Variants in TMEM242 observed in about 807,000 individuals in gnomAD.
TMEM242 encodes the protein transmembrane protein 242.
A neutral mutation model predicts 18.2 loss-of-function variants in TMEM242; 10 were observed. The observed-to-expected ratio is 0.55, with a 90% CI of 0.34 to 0.93. TMEM242 has a LOEUF of 0.93. Ranked by LOEUF, TMEM242 falls within the 40% of genes least tolerant of loss-of-function variation. The pLI is 0.02. For synonymous variants in TMEM242, 57 were observed against 69.9 expected (o/e 0.81, Z 0.92); for missense variants, 186 against 175.5 (o/e 1.06, Z -0.34).
intron 3 of TMEM242, among the ~76,000 whole-genome samples, chr6:157,312,509 G>T (rs370441063): frequency 0.22 from 1,728 of 7,882 alleles, 15 homozygotes; most frequent in East Asian, 0.3. Flanking sequence ...TGCACTCACC[G>T]AGCCTCATCA....
At position 157,291,341 on chromosome 6, in the gene TMEM242, A is replaced by G. The variant is rs587644755; in HGVS notation, c.*1560T>C. ...AACGAGTAAAGTGCATCGTTGTAAC[A>G]AGGTTTGAGGGCCATCTCATGCACG... On this transcript the variant is annotated 3_prime_UTR_variant, in exon 4 of 4. Transcript: ENST00000400788. 6.6e-6 allele frequency: 1 copy of G among 152,330 alleles called. No individual in the cohort carries two copies. The highest frequency in any genetic ancestry group is 1.5e-5 in the Non-Finnish European group (1 of 68,024). 9.4% of individuals were successfully genotyped at this position (152,330 alleles called of 1,614,324 possible).
At position 157,292,944 on chromosome 6, in the gene TMEM242, G is replaced by C. The variant is rs1777703279; in HGVS notation, c.383C>G (p.Ser128Cys). The change falls in exon 4 of 4, where the codon TCC becomes TGC. Residue 128 changes from serine (S) to cysteine (C), a missense_variant. Coordinates refer to ENST00000400788, the MANE Select transcript of TMEM242 (RefSeq NM_018452.6). Reference protein sequence around the residue: ...QSIFPTIPKNSESAVEWEETL... With the variant: ...QSIFPTIPKNCESAVEWEETL... ...TTCCTCCCACTCAACAGCCGATTCG[G>C]AGTTCTTGGGAATTGTTGGAAATAT... 6.2e-7 allele frequency: 1 copy of C among 1,613,594 alleles called. No individual in the cohort carries two copies. The highest frequency in any genetic ancestry group is 8.5e-7 in the Non-Finnish European group (1 of 1,179,710).
chr6:157,292,766 C>G lies in TMEM242; in HGVS notation c.*135G>C. ...TACTCTCCTGTGATGAGGCTGAATG[C>G]TATCCAGTGCACTGGTTCAGTCAGC... is the stretch of plus-strand genomic sequence containing the variant. On this transcript the variant is annotated 3_prime_UTR_variant, in exon 4 of 4. Transcript: ENST00000400788. 1 of 675,746 alleles carries G rather than the reference C, an allele frequency of 1.5e-6. No individual in the cohort carries two copies. Among genetic ancestry groups the G allele is most frequent in the Admixed American group, 2.4e-5 (1 of 42,240 alleles). The allele number at this position is 675,746 out of a possible 1,614,324, so 41.9% of individuals were successfully genotyped here. A position where few individuals can be genotyped will look rare whatever the true frequency, so the allele number is the denominator to read the frequency against.
At chr6:157,310,633 A>G (rs1554248360) in intron 3 of TMEM242, among the ~76,000 whole-genome samples, 3 of 152,020 alleles carry the variant, frequency 2.0e-5, no homozygotes, top group African/African-American at 7.2e-5. Context: ...GCCTCATCAT[A>G]GTGTCCCAGT....
rs1778053673 is a variant in TMEM242 at position 157,311,147 on chromosome 6, CACTCACCTAGCCCCATCATAGTGTCCGAA to C, written c.327+7606_327+7634del. On this transcript the variant is annotated intron_variant, in intron 3 of 3. Coordinates refer to ENST00000400788, the MANE Select transcript of TMEM242 (RefSeq NM_018452.6). ...AGCCCCATCATAGTGTCCCAGTGTGCACTCACCTAGCCCCATCATAGTGTCCGAATGTGCGCTCACCCAGCCTGATCATA... is the reference window on the plus strand; with the variant it reads ...AGCCCCATCATAGTGTCCCAGTGTGCTGTGCGCTCACCCAGCCTGATCATA... Among the ~76,000 whole-genome samples the C allele has an allele frequency of 2.1e-5, 2 of 96,134 alleles. 1 individual carries two copies. The highest frequency in any genetic ancestry group is 4.6e-5 in the Non-Finnish European group (2 of 43,174). The allele number at this position is 96,134 out of a possible 152,430, so 63.1% of individuals were successfully genotyped here.
intron 3 of TMEM242, among the ~76,000 whole-genome samples, chr6:157,313,350 G>A (rs1554249718): frequency 1.4e-5 from 2 of 143,900 alleles, no homozygotes; most frequent in African/African-American, 5.2e-5. Context: ...GCCCCAGTGT[G>A]CGCTCACCTG....
chr6:157,294,518 T>G (rs1218707693), intron 3 of TMEM242, among the ~76,000 whole-genome samples: 1 of 151,372 alleles, frequency 6.6e-6, no homozygotes, highest in African/African-American at 2.4e-5. Flanking sequence ...GCCCGGCTAA[T>G]TTTTTGTATT....
rs1345571732 is a variant in TMEM242, at chr6:157,323,339, G to A, written c.88+73C>T. On this transcript the variant is annotated intron_variant, in intron 1 of 3. Coordinates refer to ENST00000400788, the MANE Select transcript of TMEM242 (RefSeq NM_018452.6). ...CTCAGAGCGGGATGTGTGTGGGAATGCCCGCTCCAGAGCAAGCCAGGGTCC... is the reference window on the plus strand; with the variant it reads ...CTCAGAGCGGGATGTGTGTGGGAATACCCGCTCCAGAGCAAGCCAGGGTCC... 1.3e-5 allele frequency: 20 copies of A among 1,495,152 alleles called. No homozygotes were observed. The East Asian group carries it at 4.1e-4, about 31-fold the overall frequency. 92.6% of individuals were successfully genotyped at this position (1,495,152 alleles called of 1,614,324 possible).
In TMEM242 at chr6:157,305,452, C is replaced by T. The variant is rs147705228; in HGVS notation, c.328-12453G>A. On this transcript the variant is annotated intron_variant, in intron 3 of 3. Coordinates refer to ENST00000400788, the MANE Select transcript of TMEM242 (RefSeq NM_018452.6). This position sits in a 1 kb window ranked among gnomAD's most constrained non-coding sequence, Gnocchi z 4.1. Reference sequence around the variant, plus strand: ...TAGTTGGGACATGGGTCATGTGACACGCCTATGAGGGCGTGTCATATTGTG... The same window carrying T: ...TAGTTGGGACATGGGTCATGTGACATGCCTATGAGGGCGTGTCATATTGTG... 8.4e-3 allele frequency among the ~76,000 whole-genome samples: 1,285 copies of T among 152,196 alleles called. 18 individuals are homozygous for T. Among genetic ancestry groups the T allele is most frequent in the African/African-American group, 0.029 (1,218 of 41,518 alleles).
intron 3 of TMEM242, among the ~76,000 whole-genome samples, chr6:157,307,788 T>C (rs1777935723): frequency 6.6e-6 from 1 of 152,200 alleles, no homozygotes; most frequent in African/African-American, 2.4e-5. Flanking sequence ...GTGTGACACA[T>C]GGAACTACCT....
At chr6:157,299,951 T>G (rs1777804466) in intron 3 of TMEM242, 1 of 1,583,134 alleles carries the variant, frequency 6.3e-7, no homozygotes, top group Admixed American at 1.7e-5. Context: ...GACCTTACTG[T>G]GATGAGCGGG....
At chr6:157,299,382 C>T (rs4401691) in intron 3 of TMEM242, 5 of 1,187,290 alleles carry the variant, frequency 4.2e-6, no homozygotes, top group Non-Finnish European at 5.0e-6. Context: ...TTCTTCAAAG[C>T]GACACCAGCT....
At chr6:157,299,690 AG>A in intron 3 of TMEM242, 1 of 1,611,044 alleles carries the variant, frequency 6.2e-7, no homozygotes. Context: ...GACTAAATTA[AG>A]GCGCGTTTCT....
intron 3 of TMEM242, among the ~76,000 whole-genome samples, chr6:157,315,343 A>G (rs587624995): frequency 6.6e-6 from 1 of 152,308 alleles, no homozygotes; most frequent in African/African-American, 2.4e-5. Context: ...GAGACCCACA[A>G]ATGACTTTAG....
intron 3 of TMEM242, among the ~76,000 whole-genome samples, chr6:157,294,090 G>A (rs923643292): frequency 6.6e-6 from 1 of 152,128 alleles, no homozygotes; most frequent in Admixed American, 6.5e-5. Flanking sequence ...CACCTAAGGC[G>A]TACAACCCCA....
intron 3 of TMEM242, among the ~76,000 whole-genome samples, chr6:157,295,850 G>T (rs1554247150): frequency 6.6e-6 from 1 of 152,138 alleles, no homozygotes; most frequent in African/African-American, 2.4e-5. Context: ...TACAGCTGTG[G>T]AAATCGAAAC....
chr6:157,299,527 G>A (rs1336553424), intron 3 of TMEM242: 21 of 1,471,350 alleles, frequency 1.4e-5, no homozygotes, highest in African/African-American at 2.8e-5. Context: ...GATTACAGCC[G>A]CTTCCAATAA....
chr6:157,312,508 C>T (rs1461884393), intron 3 of TMEM242, among the ~76,000 whole-genome samples: 1 of 134,874 alleles, frequency 7.4e-6, no homozygotes, highest in Non-Finnish European at 1.6e-5. Context: ...GTGCACTCAC[C>T]GAGCCTCATC....
At chr6:157,300,037 C>A (rs148639567) in intron 3 of TMEM242, 2 of 908,044 alleles carry the variant, frequency 2.2e-6, no homozygotes, top group Admixed American at 3.6e-5. Flanking sequence ...GCGGCATGCG[C>A]GCTGCCTGAC....
Sources: gnomAD v4.1 joint callset for allele counts (sites outside exome capture counted in the v4.1 genomes callset) on GRCh38, gnomAD v4.1.1 for gene constraint, Gnocchi (gnomAD v3.1) non-coding constraint, MANE v1.5 for transcripts, NCBI Gene and HGNC (gene_info 2026-07-23, HGNC 2026-07-21) for gene names.